KHDRBS3: variants seen among roughly 807,000 people sequenced by gnomAD.
KHDRBS3 encodes KH RNA binding domain containing, signal transduction associated 3, also known as KH domain-containing, RNA-binding, signal transduction-associated protein 3.
Under a neutral mutation model 45.6 loss-of-function variants are expected in KHDRBS3, and 23 were observed. The ratio of observed to expected loss-of-function variants is 0.50; its 90% confidence interval spans 0.36 to 0.72. The LOEUF (loss-of-function observed/expected upper bound fraction) is 0.72, where lower values mean the gene tolerates loss of function less well. Ranked by LOEUF, KHDRBS3 falls within the 30% of genes least tolerant of loss-of-function variation. KHDRBS3 has a pLI of 0.00. For missense variants in KHDRBS3, 352 were observed against 424.8 expected, an observed-to-expected ratio of 0.83 and a Z score of 1.51; for synonymous variants, 162 against 156.5, an observed-to-expected ratio of 1.04 and a Z score of -0.26.
At chr8:135,651,798 T>C (rs1226563864), downstream of KHDRBS3, among the ~76,000 whole-genome samples, 1 of 152,214 alleles carries the variant, frequency 6.6e-6, no homozygotes, top group Non-Finnish European at 1.5e-5. Flanking sequence ...AGTAAGTGAA[T>C]GGTATTGTCA....
intron 6 of KHDRBS3, among the ~76,000 whole-genome samples, chr8:135,591,484 C>T (rs756594236): frequency 3.3e-5 from 5 of 152,108 alleles, no homozygotes; most frequent in Non-Finnish European, 5.9e-5. Context: ...GCAGGCCTCC[C>T]TTGTCTGTGT....
intron 5 of KHDRBS3, among the ~76,000 whole-genome samples, chr8:135,572,680 G>A (rs1188949573): frequency 2.0e-5 from 3 of 152,254 alleles, no homozygotes; most frequent in Non-Finnish European, 2.9e-5. Flanking sequence ...AGGCGATGTG[G>A]ATGCGCATGA....
chr8:135,634,253 T>C (rs1830720217), intron 7 of KHDRBS3, among the ~76,000 whole-genome samples: 1 of 152,238 alleles, frequency 6.6e-6, no homozygotes, highest in Non-Finnish European at 1.5e-5. Flanking sequence ...GGTGAAATTA[T>C]TTTTTAAGTT....
intron 1 of KHDRBS3, among the ~76,000 whole-genome samples, chr8:135,498,178 A>G (rs1823555114): frequency 6.6e-6 from 1 of 152,196 alleles, no homozygotes; most frequent in Admixed American, 6.5e-5. Flanking sequence ...GCTCCAAGGA[A>G]CTGAAGCTTT....
chr8:135,516,155 TGTGTATTTA>T (rs1824588474), intron 1 of KHDRBS3, among the ~76,000 whole-genome samples: 1 of 152,346 alleles, frequency 6.6e-6, no homozygotes, highest in Non-Finnish European at 1.5e-5. Flanking sequence ...GTAAGTATTT[TGTGTATTTA>T]AACATAGAAA....
intron 2 of KHDRBS3, among the ~76,000 whole-genome samples, chr8:135,526,480 A>G (rs1274966955): frequency 5.3e-5 from 8 of 152,170 alleles, no homozygotes; most frequent in Non-Finnish European, 1.5e-5. Flanking sequence ...GCTTAGCATA[A>G]TGGAGCATAC....
intron 7 of KHDRBS3, among the ~76,000 whole-genome samples, chr8:135,637,063 C>G (rs1384757236): frequency 6.6e-6 from 1 of 152,200 alleles, no homozygotes; most frequent in African/African-American, 2.4e-5. Context: ...TTGGCTGTAA[C>G]TCTTTTTCCA....
intron 4 of KHDRBS3, chr8:135,549,126 G>A (rs1241780186): frequency 6.0e-6 from 2 of 333,670 alleles, no homozygotes; most frequent in Admixed American, 4.8e-5. Flanking sequence ...TATGGCCAAG[G>A]TTACATGGCT....
At chr8:135,572,379 T>A (rs1029169166) in intron 5 of KHDRBS3, among the ~76,000 whole-genome samples, 8 of 152,352 alleles carry the variant, frequency 5.3e-5, no homozygotes, top group African/African-American at 1.9e-4. Context: ...GGAACCAGTT[T>A]GTAACTTGTT....
chr8:135,531,750 T>G (rs941540929), intron 2 of KHDRBS3, among the ~76,000 whole-genome samples: 34 of 152,150 alleles, frequency 2.2e-4, no homozygotes, highest in Non-Finnish European at 4.6e-4. Context: ...TTAACAGACA[T>G]GAGGGAGAAA....
At chr8:135,469,439 C>T (rs927903918) in intron 1 of KHDRBS3, among the ~76,000 whole-genome samples, 3 of 150,700 alleles carry the variant, frequency 2.0e-5, no homozygotes, top group Non-Finnish European at 4.4e-5. Flanking sequence ...AGGCGCCCGC[C>T]ACCACGCCAG....
At chr8:135,625,732 T>C in intron 7 of KHDRBS3, 2 of 757,970 alleles carry the variant, frequency 2.6e-6, no homozygotes, top group East Asian at 4.9e-5. Context: ...ACACCCATCC[T>C]CTTAAAACCT....
chr8:135,635,533 G>A (rs567922114), intron 7 of KHDRBS3, among the ~76,000 whole-genome samples: 191 of 152,194 alleles, frequency 1.3e-3, no homozygotes, highest in Non-Finnish European at 2.0e-3. Flanking sequence ...ATAGGCATGC[G>A]CCACCATGCC....
At chr8:135,606,925 T>C in intron 6 of KHDRBS3, 30 bp from the exon 7 acceptor site, 1 of 1,541,982 alleles carries the variant, frequency 6.5e-7, no homozygotes, top group Non-Finnish European at 8.9e-7. Flanking sequence ...CTTCTCTGAA[T>C]GTTTTTGTAC....
At chr8:135,613,087 G>C (rs967039214) in intron 7 of KHDRBS3, among the ~76,000 whole-genome samples, 3 of 151,780 alleles carry the variant, frequency 2.0e-5, no homozygotes, top group African/African-American at 7.3e-5. Flanking sequence ...GCCGCAGAGA[G>C]AGAACTGGAA....
intron 6 of KHDRBS3, among the ~76,000 whole-genome samples, chr8:135,590,829 T>A (rs1296274742): frequency 2.0e-5 from 3 of 152,200 alleles, no homozygotes; most frequent in African/African-American, 4.8e-5. Flanking sequence ...TTAATTATGA[T>A]TGCATCAGCT....
downstream of KHDRBS3, among the ~76,000 whole-genome samples, chr8:135,648,763 G>A (rs1294316339): frequency 6.6e-6 from 1 of 152,150 alleles, no homozygotes; most frequent in Non-Finnish European, 1.5e-5. Context: ...CTTCCTGAAT[G>A]TAAACAGGTC....
Position 135,542,583 on chromosome 8 carries a change from T to C in KHDRBS3, c.208-71T>C, listed in dbSNP as rs939360504. 4.2e-6 allele frequency: 4 copies of C among 962,164 alleles called. No homozygotes were observed. In the African/African-American group the frequency reaches 6.5e-5, roughly 16 times the overall value. The allele number at this position is 962,164 out of a possible 1,614,324, so 59.6% of individuals were successfully genotyped here. On this transcript the variant is annotated intron_variant, in intron 2 of 8. Coordinates refer to ENST00000355849, the MANE Select transcript of KHDRBS3 (RefSeq NM_006558.3). ...ATGATGTGTAGCACACTACAGTGTT[T>C]CTTAACATTCAAGATTAAGAAATTG...
At chr8:135,554,455 T>A (rs968709625) in intron 4 of KHDRBS3, among the ~76,000 whole-genome samples, 5 of 152,216 alleles carry the variant, frequency 3.3e-5, no homozygotes, top group African/African-American at 1.2e-4. Flanking sequence ...TATGTATTAA[T>A]CTTCACACAT....
Sources: gnomAD v4.1 joint callset for allele counts (sites outside exome capture counted in the v4.1 genomes callset) on GRCh38, gnomAD v4.1.1 for gene constraint, MANE v1.5 for transcripts, NCBI Gene and HGNC (gene_info 2026-07-23, HGNC 2026-07-21) for gene names.